COPS7B: variants seen among roughly 807,000 people sequenced by gnomAD.
COPS7B encodes the protein COP9 signalosome complex subunit 7b.
A neutral mutation model predicts 33.4 loss-of-function variants in COPS7B; 9 were observed. That is an observed-to-expected ratio of 0.27 (90% CI 0.16 to 0.47). The LOEUF is 0.47. Among genes scored for constraint, COPS7B ranks in the 20% least tolerant of loss-of-function variants. The pLI is 0.99. For synonymous variants in COPS7B, 119 were observed against 126.3 expected (o/e 0.94, Z 0.39); for missense variants, 242 against 318.2 (o/e 0.76, Z 1.82).
chr2:231,790,840 G>A (rs1384567435), intron 2 of COPS7B: 5 of 151,112 alleles, frequency 3.3e-5, no homozygotes, highest in African/African-American at 4.9e-5. Flanking sequence ...CCGGGTTCAC[G>A]CCATTCTCCT....
chr2:231,793,180 C>G (rs2049467979), intron 3 of COPS7B, among the ~76,000 whole-genome samples: 1 of 152,180 alleles, frequency 6.6e-6, no homozygotes, highest in Admixed American at 6.5e-5. Context: ...TATTCCTTAC[C>G]TACACTCCTC....
intron 6 of COPS7B, among the ~76,000 whole-genome samples, chr2:231,799,327 G>A (rs1164776256): frequency 6.6e-6 from 1 of 152,172 alleles, no homozygotes; most frequent in Non-Finnish European, 1.5e-5. Flanking sequence ...GTGGAGGGAG[G>A]GGTACAGCTG....
chr2:231,788,820 G>T, intron 2 of COPS7B, 88 bp downstream of exon 2: 1 of 1,266,262 alleles, frequency 7.9e-7, no homozygotes, highest in African/African-American at 1.5e-5. Context: ...GAAGTATTGT[G>T]AACCTGTGAG....
chr2:231,786,599 C>A (rs1043626354), intron 1 of COPS7B, 61 bp downstream of exon 1: 7 of 841,876 alleles, frequency 8.3e-6, no homozygotes, highest in Non-Finnish European at 1.0e-5. Context: ...GCCAGACGAT[C>A]CGGCTTAGAG....
At chr2:231,791,262 G>C (rs900936252) in intron 2 of COPS7B, 1 of 158,646 alleles carries the variant, frequency 6.3e-6, no homozygotes, top group Non-Finnish European at 1.4e-5. Context: ...ACCTTATGAT[G>C]TGCTGGTCTC....
rs2049563978 is a variant in COPS7B at position 231,796,175 on chromosome 2, A to G, written c.397A>G (p.Ile133Val). The G allele has an allele frequency of 4.3e-6, 7 of 1,614,048 alleles. No homozygotes were observed. The highest frequency in any genetic ancestry group is 1.7e-5 in the Admixed American group (1 of 60,002). Residue 133 changes from isoleucine (I) to valine (V), a missense_variant, in exon 5 of 7, where the codon ATT (isoleucine) becomes GTT (valine). Transcript: ENST00000350033. ...RNLRELEDLI[I>V]EAVYTDIIQG... The stretch of plus-strand genomic sequence containing the variant: ...TCTCCGGGAACTAGAAGACCTTATC[A>G]TTGAGGCTGTCTACACTGACATCAT...
intron 3 of COPS7B, among the ~76,000 whole-genome samples, chr2:231,792,955 C>G (rs1223162355): frequency 1.3e-5 from 2 of 152,118 alleles, no homozygotes; most frequent in Non-Finnish European, 2.9e-5. Flanking sequence ...CCTGGTACAC[C>G]ACATTTTTTT....
At chr2:231,801,291 T>G in intron 6 of COPS7B, 1 of 1,533,332 alleles carries the variant, frequency 6.5e-7, no homozygotes, top group South Asian at 1.2e-5. Flanking sequence ...CCATTTAGGC[T>G]TTTGTGGAAA....
At chr2:231,803,571 T>C (rs2049808152) in intron 6 of COPS7B, among the ~76,000 whole-genome samples, 1 of 152,208 alleles carries the variant, frequency 6.6e-6, no homozygotes, top group Admixed American at 6.5e-5. Context: ...AATAGGCATC[T>C]GAATAACAGG....
At chr2:231,792,119 T>A (rs1469885701) in intron 3 of COPS7B, 1 of 550,242 alleles carries the variant, frequency 1.8e-6, no homozygotes, top group Non-Finnish European at 3.6e-6. Flanking sequence ...AATACCCACC[T>A]GTAGAATGTT....
rs1559385257 is a variant in COPS7B, at chr2:231,808,839, G to GTGTGTGTGTGTT, written c.*1197_*1198insGTGTGTGTTTGT. ...TGTGTGTGTGTGTGTGTGTGTGTGT[G>GTGTGTGTGTGTT]TGTTTGTAGGTCCTGGACTGATTAA... On this transcript the variant is annotated 3_prime_UTR_variant, in exon 7 of 7. Transcript: ENST00000350033. 3 of 227,496 alleles carry GTGTGTGTGTGTT rather than the reference G, an allele frequency of 1.3e-5. No homozygotes were observed. The highest frequency in any genetic ancestry group is 7.3e-5 in the African/African-American group (3 of 40,992). 14.1% of individuals were successfully genotyped at this position (227,496 alleles called of 1,614,324 possible). A position where few individuals can be genotyped will look rare whatever the true frequency, so the allele number is the denominator to read the frequency against.
chr2:231,783,218 C>T (rs971538205), upstream of COPS7B, among the ~76,000 whole-genome samples: 3 of 152,132 alleles, frequency 2.0e-5, no homozygotes, highest in Non-Finnish European at 4.4e-5. Context: ...ATTTTTTGGA[C>T]TATTATTAGC....
At chr2:231,804,152 A>G (rs2049826272) in intron 6 of COPS7B, among the ~76,000 whole-genome samples, 1 of 152,230 alleles carries the variant, frequency 6.6e-6, no homozygotes, top group South Asian at 2.1e-4. Context: ...TTGGGGATTG[A>G]TTAATGCCTT....
At chr2:231,793,927 G>C (rs1437911039) in intron 3 of COPS7B, 1 of 264,676 alleles carries the variant, frequency 3.8e-6, no homozygotes, top group Non-Finnish European at 7.4e-6. Flanking sequence ...TCTCAGTACA[G>C]AGCATTGCAC....
intron 6 of COPS7B, chr2:231,801,157 G>A: frequency 1.3e-6 from 2 of 1,550,430 alleles, no homozygotes; most frequent in South Asian, 2.4e-5. Context: ...GTTTTCAGAG[G>A]GAAAAACGTG....
chr2:231,807,876 A>C lies in COPS7B; in HGVS notation c.*231A>C. 2.2e-6 allele frequency: 1 copy of C among 462,524 alleles called. No individual in the cohort carries two copies. The highest frequency in any genetic ancestry group is 3.9e-6 in the Non-Finnish European group (1 of 259,720). The allele number at this position is 462,524 out of a possible 1,614,324, so 28.7% of individuals were successfully genotyped here. A position where few individuals can be genotyped will look rare whatever the true frequency, so the allele number is the denominator to read the frequency against. On this transcript the variant is annotated 3_prime_UTR_variant, in exon 7 of 7. Transcript: ENST00000350033. ...TCAGGGGCTCCACCAATGCCATCCCAAAACAGGGTCAGACACTGCCCAGCT... is the reference window on the plus strand; with the variant it reads ...TCAGGGGCTCCACCAATGCCATCCCCAAACAGGGTCAGACACTGCCCAGCT...
intron 3 of COPS7B, chr2:231,792,151 A>G (rs1298695668): frequency 4.1e-6 from 2 of 483,486 alleles, no homozygotes; most frequent in East Asian, 6.1e-5. Context: ...AATATTATCA[A>G]AATAATACCA....
chr2:231,794,055 A>G lies in COPS7B; in HGVS notation c.239-208A>G, dbSNP rs74371451. On this transcript the variant is annotated intron_variant, in intron 3 of 6. Transcript: ENST00000350033. ...GCTTGTTTGCTTTTTAGGAGACTAA[A>G]CTCTGTGTTTGTAGAAACTGAGTCT... The G allele has an allele frequency of 2.5e-3, 1,331 of 542,134 alleles. 20 individuals are homozygous for G. The highest frequency in any genetic ancestry group is 0.023 in the African/African-American group (1,188 of 52,782). The allele number at this position is 542,134 out of a possible 1,614,324, so 33.6% of individuals were successfully genotyped here.
chr2:231,781,979 C>T (rs1263614738), upstream of COPS7B: 2 of 1,187,662 alleles, frequency 1.7e-6, no homozygotes, highest in Non-Finnish European at 2.4e-6. Context: ...TCTGAGGCGC[C>T]TTTTACATGT....
Sources: allele counts gnomAD v4.1 joint callset (sites outside exome capture counted in the v4.1 genomes callset), GRCh38; gene constraint gnomAD v4.1.1; transcripts MANE v1.5; gene names NCBI Gene and HGNC (gene_info 2026-07-23, HGNC 2026-07-21).